Variants in MIPEP observed in about 807,000 individuals in gnomAD.
The protein encoded by MIPEP is mitochondrial intermediate peptidase.
Under a neutral mutation model 90.3 loss-of-function variants are expected in MIPEP, and 79 were observed. That is an observed-to-expected ratio of 0.87 (90% CI 0.73 to 1.05). The LOEUF (loss-of-function observed/expected upper bound fraction) is 1.05, where lower values mean the gene tolerates loss of function less well. Among genes scored for constraint, MIPEP ranks in the 50% least tolerant of loss-of-function variants. The probability of loss-of-function intolerance (pLI) is 0.00; values close to 1 mark genes in which losing one functional copy is unlikely to be tolerated. For synonymous variants in MIPEP, 334 were observed against 315.8 expected (o/e 1.06, Z -0.61); for missense variants, 940 against 905.6 (o/e 1.04, Z -0.49).
chr13:23,773,235 T>C (rs1389002392), intron 16 of MIPEP, among the ~76,000 whole-genome samples: 1 of 152,060 alleles, frequency 6.6e-6, no homozygotes, highest in Non-Finnish European at 1.5e-5. Context: ...ACAATAGAGG[T>C]TTTTTGTGTC....
chr13:23,829,901 T>G (rs573340884), intron 14 of MIPEP, among the ~76,000 whole-genome samples: 2 of 152,228 alleles, frequency 1.3e-5, no homozygotes, highest in Admixed American at 1.3e-4. Context: ...AAGACCACAA[T>G]AGCATTTCAT....
At chr13:23,759,950 G>T in intron 17 of MIPEP, 146 bp downstream of exon 17, 2 of 976,572 alleles carry the variant, frequency 2.0e-6, no homozygotes, top group Non-Finnish European at 3.1e-6. Context: ...GGCCAAGTGG[G>T]GCGAGGCTGT....
intron 10 of MIPEP, chr13:23,842,131 G>A (rs984463832): frequency 5.9e-5 from 9 of 152,152 alleles, no homozygotes; most frequent in Admixed American, 2.0e-4. Context: ...TCCAAAATAC[G>A]TGATTTGAAT....
At chr13:23,868,853 C>T (rs1019652735) in intron 7 of MIPEP, among the ~76,000 whole-genome samples, 2 of 152,172 alleles carry the variant, frequency 1.3e-5, no homozygotes, top group African/African-American at 2.4e-5. Context: ...CTAGCACAAA[C>T]CTTCCTAAGC....
intron 14 of MIPEP, among the ~76,000 whole-genome samples, chr13:23,834,249 AG>A (rs1868917247): frequency 1.3e-5 from 2 of 152,148 alleles, no homozygotes; most frequent in Admixed American, 6.5e-5. Flanking sequence ...ATTTTCTTGA[AG>A]TAAAAATTTG....
chr13:23,774,837 C>G (rs1315980474), intron 16 of MIPEP, among the ~76,000 whole-genome samples: 1 of 130,836 alleles, frequency 7.6e-6, no homozygotes, highest in Non-Finnish European at 1.5e-5. Flanking sequence ...TCTTGTTGCC[C>G]AGGCTGAAGT....
chr13:23,861,302 A>G (rs1404258150), intron 9 of MIPEP, among the ~76,000 whole-genome samples: 2 of 152,208 alleles, frequency 1.3e-5, no homozygotes, highest in Non-Finnish European at 2.9e-5. Flanking sequence ...GCTTTTGGCA[A>G]CACATTTTGT....
intron 18 of MIPEP, among the ~76,000 whole-genome samples, chr13:23,749,195 A>T (rs1952414275): frequency 6.6e-6 from 1 of 152,236 alleles, no homozygotes; most frequent in African/African-American, 2.4e-5. Context: ...ATTGCTGAAC[A>T]ATGACTGTTT....
intron 13 of MIPEP, among the ~76,000 whole-genome samples, chr13:23,836,768 T>G (rs1330375522): frequency 6.6e-6 from 1 of 152,266 alleles, no homozygotes; most frequent in Non-Finnish European, 1.5e-5. Flanking sequence ...TATCCATTTA[T>G]TGCTTTTTGT....
intron 14 of MIPEP, among the ~76,000 whole-genome samples, chr13:23,817,845 A>T (rs766884906): frequency 3.3e-5 from 5 of 152,222 alleles, no homozygotes; most frequent in Non-Finnish European, 7.3e-5. Flanking sequence ...ATCAGTAAAC[A>T]TTCAGTGTTT....
At chr13:23,773,031 T>C (rs951245754) in intron 16 of MIPEP, among the ~76,000 whole-genome samples, 3 of 152,206 alleles carry the variant, frequency 2.0e-5, no homozygotes, top group African/African-American at 7.2e-5. Context: ...TACACTTTAA[T>C]GGTTTTCAGT....
At chr13:23,737,737 T>C (rs772754486) in intron 18 of MIPEP, among the ~76,000 whole-genome samples, 5 of 152,206 alleles carry the variant, frequency 3.3e-5, no homozygotes, top group African/African-American at 7.2e-5. Flanking sequence ...TTGAGAGCAA[T>C]TGGTTGGCAG....
In MIPEP at chr13:23,799,350, C is replaced by T. The variant is rs187108526; in HGVS notation, c.1848+6600G>A. On this transcript the variant is annotated intron_variant, in intron 16 of 18. Transcript: ENST00000382172. Reference sequence around the variant, plus strand: ...TTTTGTTTTTGTTTTTGTTTTGGGACGGAGTCTCACTCTGTCGCCCAGGCT... The same window carrying T: ...TTTTGTTTTTGTTTTTGTTTTGGGATGGAGTCTCACTCTGTCGCCCAGGCT... Among the ~76,000 whole-genome samples, 13 of 150,778 alleles carry T rather than the reference C, an allele frequency of 8.6e-5. No individual in the cohort carries two copies. The South Asian group carries it at 1.7e-3, about 20-fold the overall frequency.
chr13:23,734,811 G>C (rs1281653803), intron 18 of MIPEP, among the ~76,000 whole-genome samples: 1 of 152,196 alleles, frequency 6.6e-6, no homozygotes, highest in African/African-American at 2.4e-5. Flanking sequence ...TCTCCACAGG[G>C]GGGAATGTTG....
intron 16 of MIPEP, among the ~76,000 whole-genome samples, chr13:23,788,506 C>T (rs958806995): frequency 2.6e-5 from 4 of 152,172 alleles, no homozygotes; most frequent in African/African-American, 7.2e-5. Flanking sequence ...TAGTAGCTCT[C>T]GAAGGCCACA....
intron 16 of MIPEP, among the ~76,000 whole-genome samples, chr13:23,763,516 T>G (rs1408835495): frequency 6.6e-6 from 1 of 152,246 alleles, no homozygotes; most frequent in Non-Finnish European, 1.5e-5. Context: ...TGAATACAGC[T>G]TTGTTTTATC....
intron 16 of MIPEP, among the ~76,000 whole-genome samples, chr13:23,803,052 A>G (rs759741112): frequency 1.3e-5 from 2 of 152,132 alleles, no homozygotes; most frequent in Non-Finnish European, 2.9e-5. Flanking sequence ...AATATAAGAT[A>G]CTCAGAGTGG....
chr13:23,811,541 T>C (rs900785716), intron 14 of MIPEP, among the ~76,000 whole-genome samples: 1 of 152,192 alleles, frequency 6.6e-6, no homozygotes, highest in Non-Finnish European at 1.5e-5. Flanking sequence ...TGCTAAACAA[T>C]AGATACACTT....
At chr13:23,741,296 T>C (rs1396754806) in intron 18 of MIPEP, among the ~76,000 whole-genome samples, 2 of 152,242 alleles carry the variant, frequency 1.3e-5, no homozygotes, top group South Asian at 2.1e-4. Context: ...AACTACCATC[T>C]GACCCAGCAA....
Sources: gnomAD v4.1 joint callset for allele counts (sites outside exome capture counted in the v4.1 genomes callset) on GRCh38, gnomAD v4.1.1 for gene constraint, MANE v1.5 for transcripts, NCBI Gene and HGNC (gene_info 2026-07-23, HGNC 2026-07-21) for gene names.